The following L3MBTL4 variants were observed in gnomAD, a reference collection of about 807,000 sequenced individuals.
L3MBTL4 encodes the protein lethal(3)malignant brain tumor-like protein 4.
In L3MBTL4, 70 loss-of-function variants were observed where a neutral mutation model predicts 84.5. The ratio of observed to expected loss-of-function variants is 0.83; its 90% CI spans 0.68 to 1.01. The LOEUF (loss-of-function observed/expected upper bound fraction) is 1.01. Among genes scored for constraint, L3MBTL4 ranks in the 50% least tolerant of loss-of-function variants. The probability of loss-of-function intolerance (pLI) is 0.00; values close to 1 mark genes in which losing one functional copy is unlikely to be tolerated. For missense variants in L3MBTL4, 715 were observed against 754.8 expected (o/e 0.95, Z 0.62); for synonymous variants, 274 against 259.8 (o/e 1.05, Z -0.52).
chr18:5,979,403 G>A (rs1438023129), intron 16 of L3MBTL4, among the ~76,000 whole-genome samples: 2 of 152,124 alleles, frequency 1.3e-5, no homozygotes, highest in African/African-American at 4.8e-5. Flanking sequence ...GACAAGTCTG[G>A]GATCAAATGG....
intron 14 of L3MBTL4, among the ~76,000 whole-genome samples, chr18:6,107,811 T>G (rs1054134698): frequency 8.5e-5 from 13 of 152,142 alleles, no homozygotes; most frequent in Admixed American, 6.5e-4. Context: ...ATAGATGCAT[T>G]CTCAAAGTTT....
In L3MBTL4 at chr18:5,960,045, C is replaced by CAT. The variant is rs59194551; in HGVS notation, c.1677+47_1677+48dup. On this transcript the variant is annotated intron_variant, in intron 18 of 18. Transcript: ENST00000317931. ...ATATACATATATATATATACACACA[C>CAT]ATATATATATATATACATATATATA... is the stretch of plus-strand genomic sequence containing the variant. The CAT allele has an allele frequency of 3.2e-3, 1,070 of 333,288 alleles. 1 individual carries two copies. Among genetic ancestry groups the CAT allele is most frequent in the Middle Eastern group, 5.7e-3 (7 of 1,226 alleles). The allele number at this position is 333,288 out of a possible 1,614,324, so 20.6% of individuals were successfully genotyped here. A position where few individuals can be genotyped will look rare whatever the true frequency, so the allele number is the denominator to read the frequency against.
At chr18:6,182,960 G>A (rs957463859) in intron 12 of L3MBTL4, among the ~76,000 whole-genome samples, 2 of 152,100 alleles carry the variant, frequency 1.3e-5, no homozygotes, top group Non-Finnish European at 2.9e-5. Context: ...CTGATTGAAG[G>A]CCTGATGCAG....
In L3MBTL4 at chr18:6,138,404, C is replaced by A. The variant is rs577484566; in HGVS notation, c.1097-108G>T. 8 of 680,352 alleles carry A rather than the reference C, an allele frequency of 1.2e-5. No homozygotes were observed. The African/African-American group carries it at 1.3e-4, about 11-fold the overall frequency. 42.1% of individuals were successfully genotyped at this position (680,352 alleles called of 1,614,324 possible). Reference sequence around the variant, plus strand: ...AAGACTTTACAAATTAAAAACAAACCATCACCAAAAACCACTTACAGGTGA... The same window carrying A: ...AAGACTTTACAAATTAAAAACAAACAATCACCAAAAACCACTTACAGGTGA... On this transcript the variant is annotated intron_variant, in intron 13 of 18. Transcript: ENST00000317931.
intron 16 of L3MBTL4, among the ~76,000 whole-genome samples, chr18:6,038,568 T>G (rs987902679): frequency 3.3e-5 from 5 of 152,140 alleles, no homozygotes; most frequent in Non-Finnish European, 7.4e-5. Context: ...GATCATTTTT[T>G]GACTGGTAAC....
chr18:5,992,166 CA>C (rs1314390747), intron 16 of L3MBTL4, among the ~76,000 whole-genome samples: 2 of 152,120 alleles, frequency 1.3e-5, no homozygotes, highest in African/African-American at 4.8e-5. Flanking sequence ...GCGAGGAGGA[CA>C]GGGTGATGTG....
intron 3 of L3MBTL4, among the ~76,000 whole-genome samples, chr18:6,307,776 A>G (rs1327739987): frequency 1.3e-5 from 2 of 152,228 alleles, no homozygotes; most frequent in South Asian, 2.1e-4. Context: ...ATAAAGATCC[A>G]TTGATGTTAA....
At chr18:6,165,956 C>A (rs1199969874) in intron 13 of L3MBTL4, among the ~76,000 whole-genome samples, 2 of 152,084 alleles carry the variant, frequency 1.3e-5, no homozygotes, top group Non-Finnish European at 1.5e-5. Flanking sequence ...CAGAGACACA[C>A]ATAGGCTCAA....
intron 9 of L3MBTL4, among the ~76,000 whole-genome samples, chr18:6,238,919 CA>C (rs572603481): frequency 3.6e-4 from 51 of 143,616 alleles, no homozygotes; most frequent in Middle Eastern, 3.7e-3. Flanking sequence ...GGTTTTTAAT[CA>C]AAAAAAAAAA....
intron 7 of L3MBTL4, among the ~76,000 whole-genome samples, chr18:6,242,220 C>A (rs538813024): frequency 6.6e-6 from 1 of 152,290 alleles, no homozygotes. Context: ...GATGACTCAT[C>A]CTCGCAAAGC....
chr18:6,216,609 A>G (rs1187159524), intron 10 of L3MBTL4, among the ~76,000 whole-genome samples: 1 of 152,124 alleles, frequency 6.6e-6, no homozygotes, highest in Non-Finnish European at 1.5e-5. Flanking sequence ...TTGAATTATA[A>G]ACATAACTTA....
intron 12 of L3MBTL4, among the ~76,000 whole-genome samples, chr18:6,186,358 A>T (rs2044762853): frequency 1.3e-5 from 2 of 152,086 alleles, no homozygotes; most frequent in Admixed American, 1.3e-4. Flanking sequence ...GGCATTTTTA[A>T]TAACTGTGGT....
At chr18:5,993,817 A>G (rs950847930) in intron 16 of L3MBTL4, among the ~76,000 whole-genome samples, 4 of 152,216 alleles carry the variant, frequency 2.6e-5, no homozygotes, top group Non-Finnish European at 5.9e-5. Flanking sequence ...TATTTTCCCC[A>G]ATAGTTTTAT....
intron 10 of L3MBTL4, among the ~76,000 whole-genome samples, chr18:6,227,408 A>G (rs2046823416): frequency 6.6e-6 from 1 of 152,240 alleles, no homozygotes; most frequent in Non-Finnish European, 1.5e-5. Context: ...ATTATGTTTT[A>G]AAGAACTGAA....
chr18:5,956,419 T>C (rs759065821), intron 18 of L3MBTL4, 32 bp from the exon 19 acceptor site: 7 of 1,607,508 alleles, frequency 4.4e-6, no homozygotes, highest in South Asian at 1.1e-5. Flanking sequence ...CAAATAAAAA[T>C]GTTTTGCCAC....
chr18:6,216,150 C>G (rs1233689602), intron 10 of L3MBTL4, among the ~76,000 whole-genome samples: 1 of 152,086 alleles, frequency 6.6e-6, no homozygotes, highest in African/African-American at 2.4e-5. Context: ...TCCCAAGCTC[C>G]AACAGAAGGC....
chr18:6,324,959 C>T (rs1310241074), intron 1 of L3MBTL4, among the ~76,000 whole-genome samples: 1 of 152,116 alleles, frequency 6.6e-6, no homozygotes, highest in Non-Finnish European at 1.5e-5. Context: ...CAATGAGCTA[C>T]CAATGCATCC....
intron 16 of L3MBTL4, among the ~76,000 whole-genome samples, chr18:6,078,364 T>C (rs1479874653): frequency 3.0e-5 from 4 of 134,946 alleles, no homozygotes; most frequent in Non-Finnish European, 6.0e-5. Context: ...GAAGTGGAGA[T>C]TGCAGTGAGC....
chr18:6,327,996 C>T (rs1337165268), intron 1 of L3MBTL4, among the ~76,000 whole-genome samples: 1 of 152,198 alleles, frequency 6.6e-6, no homozygotes, highest in Non-Finnish European at 1.5e-5. Flanking sequence ...TAATTATCAT[C>T]ATCCCTGTAA....
Sources: allele counts gnomAD v4.1 joint callset (sites outside exome capture counted in the v4.1 genomes callset), GRCh38; gene constraint gnomAD v4.1.1; transcripts MANE v1.5; gene names NCBI Gene and HGNC (gene_info 2026-07-23, HGNC 2026-07-21).